The following PARP16 variants were observed in gnomAD, a reference collection of about 807,000 sequenced individuals.
PARP16 encodes poly(ADP-ribose) polymerase family member 16.
PARP16 carries 31 observed loss-of-function variants against 35.0 expected under a neutral mutation model. The observed-to-expected ratio is 0.88, with a 90% CI of 0.66 to 1.19. The LOEUF is 1.19. Among genes scored for constraint, PARP16 ranks in the 50% most tolerant of loss-of-function variants. The probability of loss-of-function intolerance (pLI) is 0.00; values close to 1 mark genes in which losing one functional copy is unlikely to be tolerated. For missense variants in PARP16, 424 were observed against 411.2 expected (o/e 1.03, Z -0.27); for synonymous variants, 162 against 169.5 (o/e 0.96, Z 0.34).
chr15:65,241,844 G>T (rs909574875), intron 3 of PARP16, among the ~76,000 whole-genome samples: 4 of 151,898 alleles, frequency 2.6e-5, no homozygotes, highest in African/African-American at 9.7e-5. Context: ...TTCTCCCACC[G>T]ACAGTTGTCT....
chr15:65,251,381 G>A (rs971299701), intron 2 of PARP16, among the ~76,000 whole-genome samples: 3 of 152,128 alleles, frequency 2.0e-5, no homozygotes, highest in Non-Finnish European at 4.4e-5. Context: ...TTTATTCCCC[G>A]TTAAGACCCA....
At position 65,258,840 on chromosome 15, in the gene PARP16, GAGA is replaced by G. The variant is rs1042691604; in HGVS notation, c.*564_*566del. The G allele has an allele frequency of 6.6e-6, 1 of 152,664 alleles. No homozygotes were observed. The highest frequency in any genetic ancestry group is 1.5e-5 in the Non-Finnish European group (1 of 68,098). 9.5% of individuals were successfully genotyped at this position (152,664 alleles called of 1,614,324 possible). ...GGGAGGGGGGCAAGTACAGCTATAG[GAGA>G]AGGCTGTTTGTTGATTTGAGAAAAC... On this transcript the variant is annotated 3_prime_UTR_variant, in exon 6 of 6. Transcript: ENST00000649807.
chr15:65,272,346 A>C (rs940582929), intron 1 of PARP16, among the ~76,000 whole-genome samples: 1 of 152,230 alleles, frequency 6.6e-6, no homozygotes, highest in Non-Finnish European at 1.5e-5. Flanking sequence ...GAATCCTGAA[A>C]CATATTCAGT....
intron 1 of PARP16, among the ~76,000 whole-genome samples, chr15:65,271,422 C>T (rs28647923): frequency 0.082 from 12,530 of 152,004 alleles, 607 homozygotes; most frequent in Middle Eastern, 0.16. Flanking sequence ...TACAAGCGCA[C>T]GCCACCACGC....
intron 3 of PARP16, among the ~76,000 whole-genome samples, chr15:65,247,085 G>A (rs2089228709): frequency 6.6e-6 from 1 of 152,052 alleles, no homozygotes; most frequent in Non-Finnish European, 1.5e-5. Context: ...CGACCTCCTG[G>A]GCTCAAGCAG....
At chr15:65,233,243 C>G (rs1292881866), downstream of PARP16, among the ~76,000 whole-genome samples, 2 of 152,010 alleles carry the variant, frequency 1.3e-5, no homozygotes, top group Non-Finnish European at 2.9e-5. Flanking sequence ...GAAACCCCGT[C>G]TCTACTAAAA....
intron 3 of PARP16, among the ~76,000 whole-genome samples, chr15:65,235,196 A>C (rs959269310): frequency 7.3e-5 from 11 of 151,306 alleles, no homozygotes; most frequent in African/African-American, 2.7e-4. Context: ...AGTCCCAGCT[A>C]CTTGGGAGGC....
At chr15:65,271,702 A>G (rs761934831) in intron 1 of PARP16, among the ~76,000 whole-genome samples, 2 of 152,172 alleles carry the variant, frequency 1.3e-5, no homozygotes, top group Non-Finnish European at 2.9e-5. Flanking sequence ...TTAACATGCC[A>G]TGAGTATGGC....
chr15:65,265,812 A>G (rs2140880251), intron 3 of PARP16, among the ~76,000 whole-genome samples: 1 of 152,370 alleles, frequency 6.6e-6, no homozygotes, highest in South Asian at 2.1e-4. Flanking sequence ...GGTTGGCTAC[A>G]TAGTGGGATC....
intron 3 of PARP16, among the ~76,000 whole-genome samples, chr15:65,242,129 T>C (rs1043866812): frequency 6.6e-6 from 1 of 152,244 alleles, no homozygotes; most frequent in African/African-American, 2.4e-5. Flanking sequence ...GAAAATACTA[T>C]CTTTTCCCCA....
chr15:65,253,253 C>A (rs553776652), downstream of PARP16, among the ~76,000 whole-genome samples: 3 of 152,088 alleles, frequency 2.0e-5, no homozygotes, highest in African/African-American at 7.2e-5. Flanking sequence ...ATTCAAGCAA[C>A]AAATGTCCAC....
Position 65,259,656 on chromosome 15 carries a change from T to C in PARP16, c.834-114A>G, listed in dbSNP as rs921537373. The stretch of plus-strand genomic sequence containing the variant: ...AAAATGATGAATTTCATCCTTTGCC[T>C]GAGCCATGAAATGAAGCTTCGTGCT... On this transcript the variant is annotated intron_variant, in intron 5 of 5. Coordinates refer to ENST00000649807, the MANE Select transcript of PARP16 (RefSeq NM_001316943.2). 36 of 1,052,962 alleles carry C rather than the reference T, an allele frequency of 3.4e-5. No homozygotes were observed. In the African/African-American group the frequency reaches 5.3e-4, roughly 15 times the overall value. 65.2% of individuals were successfully genotyped at this position (1,052,962 alleles called of 1,614,324 possible).
rs190018828 is a variant in PARP16, at chr15:65,242,105, T to A, written c.*97+6012A>T. Among the ~76,000 whole-genome samples the A allele has an allele frequency of 9.8e-4, 149 of 152,346 alleles. 1 individual carries two copies. Among genetic ancestry groups the A allele is most frequent in the African/African-American group, 3.6e-3 (148 of 41,586 alleles). ...TTTGCCATGAGATATCCAGTTGTTC[T>A]AGCACCATTTGTTGAAAATACTATC... On this transcript the variant is annotated intron_variant and NMD_transcript_variant, in intron 3 of 3. Coordinates refer to the PARP16 transcript ENST00000559805.
chr15:65,232,055 T>A (rs1176495299), downstream of PARP16, among the ~76,000 whole-genome samples: 1 of 152,152 alleles, frequency 6.6e-6, no homozygotes, highest in African/African-American at 2.4e-5. Context: ...TGTGCCAGTT[T>A]AGACTACACC....
chr15:65,276,347 A>AAAC (rs374554274), intron 1 of PARP16, among the ~76,000 whole-genome samples: 6 of 152,132 alleles, frequency 3.9e-5, no homozygotes, highest in Admixed American at 6.6e-5. Context: ...AATTTCAGAT[A>AAAC]AACAACAACA....
intron 2 of PARP16, among the ~76,000 whole-genome samples, chr15:65,269,208 T>TTTCTTTCTTTCTTTC (rs1332194127): frequency 2.7e-4 from 26 of 97,190 alleles, no homozygotes; most frequent in South Asian, 1.1e-3. Context: ...TTCTTTCTTT[T>TTTCTTTCTTTCTTTC]TTTTTTGAGA....
At chr15:65,238,578 G>A (rs1001322294) in intron 3 of PARP16, among the ~76,000 whole-genome samples, 1 of 152,084 alleles carries the variant, frequency 6.6e-6, no homozygotes, top group East Asian at 1.9e-4. Flanking sequence ...ATTCCACTCC[G>A]CACTGCCATC....
rs556617482 is a variant in PARP16 at position 65,242,185 on chromosome 15, A to G, written c.*97+5932T>C. Among the ~76,000 whole-genome samples, 16 of 152,242 alleles carry G rather than the reference A, an allele frequency of 1.1e-4. No individual in the cohort carries two copies. The East Asian group carries it at 2.9e-3, about 28-fold the overall frequency. On this transcript the variant is annotated intron_variant and NMD_transcript_variant, in intron 3 of 3. Coordinates refer to the PARP16 transcript ENST00000559805. ...TAAAAAATCAATTGATAATATGTGT[A>G]TATCTCTATTTCTGGATGGCCTTTT...
At chr15:65,246,981 C>T (rs1477394236) in intron 3 of PARP16, among the ~76,000 whole-genome samples, 4 of 149,606 alleles carry the variant, frequency 2.7e-5, no homozygotes, top group Non-Finnish European at 4.5e-5. Context: ...ATGTGCCTGG[C>T]ATCATGCTCA....
Sources: gnomAD v4.1 joint callset for allele counts (sites outside exome capture counted in the v4.1 genomes callset) on GRCh38, gnomAD v4.1.1 for gene constraint, MANE v1.5 for transcripts, NCBI Gene and HGNC (gene_info 2026-07-23, HGNC 2026-07-21) for gene names.